The following CCDC110 variants were observed in gnomAD, a reference collection of about 807,000 sequenced individuals.
CCDC110 encodes coiled-coil domain-containing protein 110.
CCDC110 carries 70 observed loss-of-function variants against 77.1 expected under a neutral mutation model. That is an observed-to-expected ratio of 0.91 (90% CI 0.75 to 1.11). The LOEUF is 1.11. CCDC110 is among the 50% of genes least tolerant of loss of function. The pLI is 0.00. For missense variants in CCDC110, 868 were observed against 942.9 expected (o/e 0.92, Z 1.04); for synonymous variants, 295 against 312.5 (o/e 0.94, Z 0.59).
At position 185,445,471 on chromosome 4, in the gene CCDC110, G is replaced by A. The variant is rs993999492; in HGVS notation, c.*31C>T. ...GTACAATTAACATTGGCTATTTCTC[G>A]AAGGGAGTTTCTTAGCAATCTTGAG... On this transcript the variant is annotated 3_prime_UTR_variant, in exon 7 of 7. Transcript: ENST00000307588. 8 of 1,505,282 alleles carry A rather than the reference G, an allele frequency of 5.3e-6. No individual in the cohort carries two copies. Among genetic ancestry groups the A allele is most frequent in the Non-Finnish European group, 7.3e-6 (8 of 1,091,286 alleles). The allele number at this position is 1,505,282 out of a possible 1,614,324, so 93.2% of individuals were successfully genotyped here.
chr4:185,463,792 G>A (rs1317453029), intron 2 of CCDC110, among the ~76,000 whole-genome samples: 2 of 152,150 alleles, frequency 1.3e-5, no homozygotes, highest in African/African-American at 4.8e-5. Flanking sequence ...GCCAGAAGGG[G>A]CCCTCTGGCC....
intron 4 of CCDC110, among the ~76,000 whole-genome samples, chr4:185,461,717 C>A (rs1001937353): frequency 1.3e-5 from 2 of 152,208 alleles, no homozygotes; most frequent in African/African-American, 4.8e-5. Flanking sequence ...GGAACAGCGG[C>A]CACCTGACAG....
At position 185,459,291 on chromosome 4, in the gene CCDC110, C is replaced by A. The variant is rs1170285374; in HGVS notation, c.1296G>T (p.Gln432His). The A allele has an allele frequency of 6.2e-7, 1 of 1,613,090 alleles. No individual in the cohort carries two copies. Among genetic ancestry groups the A allele is most frequent in the South Asian group, 1.1e-5 (1 of 91,008 alleles). ...EQCVAKIQYLQNYLKESVQIQ... is the reference protein window; with the variant it reads ...EQCVAKIQYLHNYLKESVQIQ... ...TCTGCACAGATTCTTTTAGGTAATT[C>A]TGTAAGTACTGAATTTTTGCAACAC... is the stretch of plus-strand genomic sequence containing the variant. Residue 432 changes from glutamine to histidine, a missense_variant, in exon 6 of 7, where the codon CAG (glutamine) becomes CAT (histidine). Physicochemically the swap from Gln to His is conservative, Grantham distance 24. Transcript: ENST00000307588.
Position 185,468,769 on chromosome 4 carries a change from T to G in CCDC110, c.115+2176A>C, listed in dbSNP as rs1221125662. On this transcript the variant is annotated intron_variant, in intron 2 of 6. Coordinates refer to ENST00000307588, the MANE Select transcript of CCDC110 (RefSeq NM_152775.4). The surrounding 1 kb of genome is among the most constrained non-coding windows in gnomAD (Gnocchi z 4.5). ...CCACCCACCTCTGCCACTCCAAATATTCCTCCCCCCCTTCTCAGCCTTATG... is the reference window on the plus strand; with the variant it reads ...CCACCCACCTCTGCCACTCCAAATAGTCCTCCCCCCCTTCTCAGCCTTATG... Among the ~76,000 whole-genome samples, 1 of 152,106 alleles carries G rather than the reference T, an allele frequency of 6.6e-6. No homozygotes were observed. The highest frequency in any genetic ancestry group is 2.4e-5 in the African/African-American group (1 of 41,424).
Position 185,460,096 on chromosome 4 carries a change from A to T in CCDC110, c.491T>A (p.Ile164Lys). ...CAGAGTTAATGTGTCCTCGGAATGT[A>T]TCTGGGATGGAACATTTACACTTTG... is the stretch of plus-strand genomic sequence containing the variant. The part of the protein sequence containing the change: ...LPQSVNVPSQ[I>K]HSEDTLTLRT... The change falls in exon 6 of 7, where the codon ATA (isoleucine) becomes AAA (lysine). Residue 164 changes from isoleucine to lysine, a missense_variant. Transcript: ENST00000307588. The T allele has an allele frequency of 6.2e-7, 1 of 1,613,776 alleles. No homozygotes were observed. Among genetic ancestry groups the T allele is most frequent in the Non-Finnish European group, 8.5e-7 (1 of 1,179,908 alleles).
chr4:185,469,044 GTCTC>G (rs1474159293), intron 2 of CCDC110, among the ~76,000 whole-genome samples: 1 of 152,174 alleles, frequency 6.6e-6, no homozygotes, highest in Non-Finnish European at 1.5e-5. Flanking sequence ...AAATTCAAAA[GTCTC>G]TCACAAACCC....
rs746040420 is a variant in CCDC110, at chr4:185,458,162, T to G, written c.2425A>C (p.Ser809Arg). ...GAAGCCAAAGGCCTACTCTGAGGAC[T>G]AGAAGTATCTTCGTGAGTATAGTTG... ...FDNYTHEDTS[S>R]PQSRPLASDL... is the part of the protein sequence containing the mutation. The change falls in exon 6 of 7, where the codon AGT becomes CGT. Residue 809 changes from serine (S) to arginine (R), a missense_variant. Physicochemically the swap from Ser to Arg is moderately radical, Grantham distance 110. Transcript: ENST00000307588. 4 of 1,589,062 alleles carry G rather than the reference T, an allele frequency of 2.5e-6. No individual in the cohort carries two copies. Among genetic ancestry groups the G allele is most frequent in the Non-Finnish European group, 3.4e-6 (4 of 1,172,832 alleles).
intron 6 of CCDC110, among the ~76,000 whole-genome samples, chr4:185,450,927 G>C (rs770765714): frequency 3.9e-5 from 6 of 152,088 alleles, no homozygotes; most frequent in Non-Finnish European, 7.4e-5. Context: ...ATAATGGTGT[G>C]ATATGGTTTT....
At chr4:185,470,081 C>T (rs554214020) in intron 2 of CCDC110, among the ~76,000 whole-genome samples, 2 of 152,180 alleles carry the variant, frequency 1.3e-5, no homozygotes, top group African/African-American at 4.8e-5. Flanking sequence ...GCTGGGTACC[C>T]CCATCTTATT....
At chr4:185,462,529 C>T in intron 4 of CCDC110, 114 bp downstream of exon 4, 1 of 767,368 alleles carries the variant, frequency 1.3e-6, no homozygotes. Context: ...ATGCTGTGGC[C>T]TCTATTATAT....
Position 185,471,671 on chromosome 4 carries a change from TA to T in CCDC110, c.10+2del. ...TAGGAGCCCCGCCCCGTCCAACTCT[TA>T]CCCGGGCTCATCGCCGCGGCTCATC... On this transcript the variant is annotated splice_donor_variant, in intron 1 of 6. Coordinates refer to ENST00000307588, the MANE Select transcript of CCDC110 (RefSeq NM_152775.4). LOFTEE classifies it high-confidence loss of function. 6.4e-7 allele frequency: 1 copy of T among 1,557,928 alleles called. No homozygotes were observed. Among genetic ancestry groups the T allele is most frequent in the Non-Finnish European group, 8.6e-7 (1 of 1,156,344 alleles).
rs974749438 is a variant in CCDC110, at chr4:185,471,450, C to G, written c.10+224G>C. ...AGCGGCCACCCGAGGGCGCGCTGGG[C>G]GGGCGGCGGCGGCAGACCACGTAGC... is the stretch of plus-strand genomic sequence containing the variant. On this transcript the variant is annotated intron_variant, in intron 1 of 6. Transcript: ENST00000307588. 6.2e-6 allele frequency: 3 copies of G among 487,630 alleles called. No individual in the cohort carries two copies. The African/African-American group carries it at 6.2e-5, about 10-fold the overall frequency. 30.2% of individuals were successfully genotyped at this position (487,630 alleles called of 1,614,324 possible).
At position 185,459,489 on chromosome 4, in the gene CCDC110, T is replaced by A; in HGVS notation, c.1098A>T (p.Lys366Asn). The change falls in exon 6 of 7, where the codon AAA becomes AAT. Residue 366 changes from lysine (K) to asparagine (N), a missense_variant. Physicochemically the swap from Lys to Asn is moderately conservative, Grantham distance 94. Coordinates refer to ENST00000307588, the MANE Select transcript of CCDC110 (RefSeq NM_152775.4). ...AATGGAATTTTAAATCTGTAATATT[T>A]TTGCCAGTGATGGGAATTTCTTTAT... ...KNNKEIPITGKNITDLKFHSR... is the reference protein window; with the variant it reads ...KNNKEIPITGNNITDLKFHSR... The A allele has an allele frequency of 6.2e-7, 1 of 1,613,692 alleles. No homozygotes were observed. The highest frequency in any genetic ancestry group is 1.1e-5 in the South Asian group (1 of 91,060).
chr4:185,451,783 A>G (rs2095629632), intron 6 of CCDC110, among the ~76,000 whole-genome samples: 1 of 152,184 alleles, frequency 6.6e-6, no homozygotes, highest in African/African-American at 2.4e-5. Context: ...TAGATTTCAA[A>G]ATCATAATTG....
At chr4:185,454,321 T>A (rs1241854009) in intron 6 of CCDC110, among the ~76,000 whole-genome samples, 1 of 152,210 alleles carries the variant, frequency 6.6e-6, no homozygotes. Flanking sequence ...CTATGGGAGA[T>A]AGCTAGAAAA....
Position 185,459,285 on chromosome 4 carries a change from G to A in CCDC110, c.1302C>T (p.Tyr434=). Residue 434 remains tyrosine, a synonymous_variant, in exon 6 of 7, where the codon TAC becomes TAT. Transcript: ENST00000307588. ...TCTGTATCTGCACAGATTCTTTTAGGTAATTCTGTAAGTACTGAATTTTTG... is the reference window on the plus strand; with the variant it reads ...TCTGTATCTGCACAGATTCTTTTAGATAATTCTGTAAGTACTGAATTTTTG... ...CVAKIQYLQN[Y]LKESVQIQKK... The A allele has an allele frequency of 6.2e-7, 1 of 1,612,546 alleles. No individual in the cohort carries two copies. The highest frequency in any genetic ancestry group is 2.2e-5 in the East Asian group (1 of 44,786).
chr4:185,469,182 C>T (rs540587736), intron 2 of CCDC110, among the ~76,000 whole-genome samples: 2 of 152,272 alleles, frequency 1.3e-5, no homozygotes, highest in Admixed American at 1.3e-4. Flanking sequence ...TCTCAGTACA[C>T]GGGGAATGGA....
intron 1 of CCDC110, 48 bp from the exon 2 acceptor site, chr4:185,471,097 C>G (rs772996641): frequency 3.4e-5 from 8 of 237,324 alleles, no homozygotes; most frequent in South Asian, 8.8e-5. Context: ...CGTGGCGTGG[C>G]GGGGCTGAAG....
intron 5 of CCDC110, 43 bp downstream of exon 5, chr4:185,461,006 T>TTTTTTTTTTTTTTTTTTTTAGACG (rs752972629): frequency 1.0e-6 from 1 of 993,324 alleles, no homozygotes; most frequent in Non-Finnish European, 1.6e-6. Context: ...AGTCACGTTT[T>TTTTTTTTTTTTTTTTTTTTAGACG]GAAGTACCTA....
Sources: gnomAD v4.1 joint callset for allele counts (sites outside exome capture counted in the v4.1 genomes callset) on GRCh38, gnomAD v4.1.1 for gene constraint, Gnocchi (gnomAD v3.1) non-coding constraint, MANE v1.5 for transcripts, NCBI Gene and HGNC (gene_info 2026-07-23, HGNC 2026-07-21) for gene names.